SLC9A8: variants seen among roughly 807,000 people sequenced by gnomAD.
SLC9A8 encodes the protein solute carrier family 9 member A8, also known as sodium/hydrogen exchanger 8.
SLC9A8 carries 48 observed loss-of-function variants against 66.6 expected under a neutral mutation model. The ratio of observed to expected loss-of-function variants is 0.72; its 90% CI spans 0.57 to 0.92. The LOEUF (loss-of-function observed/expected upper bound fraction) is 0.92, where lower values mean the gene tolerates loss of function less well. Among genes scored for constraint, SLC9A8 ranks in the 40% least tolerant of loss-of-function variants. SLC9A8 has a pLI of 0.00. For missense variants in SLC9A8, 599 were observed against 747.3 expected (o/e 0.80, Z 2.31); for synonymous variants, 274 against 282.6 (o/e 0.97, Z 0.31).
At chr20:49,864,294 T>C (rs2088873367) in intron 9 of SLC9A8, among the ~76,000 whole-genome samples, 1 of 152,118 alleles carries the variant, frequency 6.6e-6, no homozygotes, top group African/African-American at 2.4e-5. Flanking sequence ...TCAAAACTGA[T>C]GGGGAAAGCA....
rs57704874 is a variant in SLC9A8 at position 49,884,259 on chromosome 20, G to GACACACACACAC, written c.1491+196_1491+207dup. 3.3e-3 allele frequency: 424 copies of GACACACACACAC among 130,198 alleles called. 24 individuals are homozygous for GACACACACACAC. In the African/African-American group the frequency reaches 0.034, roughly 11 times the overall value. 8.1% of individuals were successfully genotyped at this position (130,198 alleles called of 1,614,324 possible). ...ACACACACGACACACACACACACACGACACACACACACACGACACACACAC... is the reference window on the plus strand; with the variant it reads ...ACACACACGACACACACACACACACGACACACACACACACACACACACACACGACACACACAC... On this transcript the variant is annotated intron_variant, in intron 14 of 15. Coordinates refer to ENST00000361573, the MANE Select transcript of SLC9A8 (RefSeq NM_015266.3).
At chr20:49,850,888 CA>C in intron 7 of SLC9A8, 44 bp downstream of exon 7, 1 of 1,450,384 alleles carries the variant, frequency 6.9e-7, no homozygotes, top group South Asian at 1.2e-5. Context: ...GCTTTTCAGA[CA>C]GGGGAAATGT....
At chr20:49,844,608 A>T (rs2087900987) in intron 4 of SLC9A8, among the ~76,000 whole-genome samples, 1 of 127,654 alleles carries the variant, frequency 7.8e-6, no homozygotes, top group Non-Finnish European at 1.6e-5. Context: ...ACATAGCGGG[A>T]CCCTGTATCT....
chr20:49,848,048 C>G (rs2088084390), intron 5 of SLC9A8, among the ~76,000 whole-genome samples: 2 of 151,906 alleles, frequency 1.3e-5, no homozygotes, highest in South Asian at 2.1e-4. Context: ...GCCTCAGCCT[C>G]CCGAGTAGCT....
At chr20:49,870,548 G>A (rs972861772) in intron 10 of SLC9A8, among the ~76,000 whole-genome samples, 11 of 152,130 alleles carry the variant, frequency 7.2e-5, no homozygotes, top group African/African-American at 2.4e-4. Context: ...TGGCCAGGAC[G>A]CTGCCTCACA....
intron 10 of SLC9A8, among the ~76,000 whole-genome samples, chr20:49,871,231 T>C (rs993418541): frequency 3.9e-5 from 6 of 152,234 alleles, no homozygotes; most frequent in African/African-American, 1.4e-4. Flanking sequence ...AAGTATGTTA[T>C]ATTTTACATA....
chr20:49,821,545 G>C (rs1004639151), intron 2 of SLC9A8, among the ~76,000 whole-genome samples: 2 of 152,098 alleles, frequency 1.3e-5, no homozygotes, highest in African/African-American at 4.8e-5. Context: ...TGGGATTAAA[G>C]AAACCTAATT....
At chr20:49,834,179 C>CTATATA (rs1227575026) in intron 3 of SLC9A8, among the ~76,000 whole-genome samples, 6 of 54,688 alleles carry the variant, frequency 1.1e-4, no homozygotes, top group East Asian at 7.2e-4. Flanking sequence ...CTCTCTCTCT[C>CTATATA]TCTCTCTATA....
Position 49,815,156 on chromosome 20 carries a change from G to A in SLC9A8, c.175G>A (p.Gly59Ser), listed in dbSNP as rs752970759. The change falls in exon 2 of 16, where the codon GGC becomes AGC. Residue 59 changes from glycine (G) to serine (S), a missense_variant. Gly to Ser is a moderately conservative substitution (Grantham distance 56). This residue lies in a region of SLC9A8 where 132 missense variants were observed against 120.9 expected (regional missense o/e 1.09). Transcript: ENST00000361573. ...EQAQQEEQSS[G>S]MTIFFSLLVL... Reference sequence around the variant, plus strand: ...GGCCCAGCAAGAGGAGCAGTCCAGCGGCATGACCATTTTCTTCAGCCTCCT... The same window carrying A: ...GGCCCAGCAAGAGGAGCAGTCCAGCAGCATGACCATTTTCTTCAGCCTCCT... The A allele has an allele frequency of 8.2e-6, 13 of 1,581,026 alleles. No individual in the cohort carries two copies. In the Admixed American group the frequency reaches 1.3e-4, roughly 16 times the overall value.
rs150389961 is a variant in SLC9A8, at chr20:49,887,904, G to T, written c.1714G>T (p.Gly572Cys). The change falls in exon 16 of 16, where the codon GGC becomes TGC. Residue 572 changes from glycine (G) to cysteine (C), a missense_variant. Gly to Cys is a radical substitution (Grantham distance 159). Around this residue, in one of 2 missense-constraint regions of SLC9A8, gnomAD observed 467 missense variants for 626.5 expected, o/e 0.75. Coordinates refer to ENST00000361573, the MANE Select transcript of SLC9A8 (RefSeq NM_015266.3). ...WYEEVRQGPS[G>C]SEDDEQELL Reference sequence around the variant, plus strand: ...CGAGGAGGTACGCCAGGGCCCCTCCGGCTCCGAGGACGACGAGCAGGAGCT... The same window carrying T: ...CGAGGAGGTACGCCAGGGCCCCTCCTGCTCCGAGGACGACGAGCAGGAGCT... 7.1e-5 allele frequency: 114 copies of T among 1,613,812 alleles called. No homozygotes were observed. Among genetic ancestry groups the T allele is most frequent in the Non-Finnish European group, 9.5e-5 (112 of 1,179,890 alleles).
rs543580849 is a variant in SLC9A8, at chr20:49,856,215, G to A, written c.713+634G>A. On this transcript the variant is annotated intron_variant, in intron 8 of 15. Coordinates refer to ENST00000361573, the MANE Select transcript of SLC9A8 (RefSeq NM_015266.3). ...CACCCTCAGAGCTTCTGATTCATTT[G>A]GTCTGGGGTGAGTCCCAAGACCATG... 7.6e-4 allele frequency among the ~76,000 whole-genome samples: 115 copies of A among 152,280 alleles called. 1 individual carries two copies. The highest frequency in any genetic ancestry group is 2.6e-3 in the African/African-American group (109 of 41,554).
chr20:49,853,587 AG>A (rs1200111546), intron 7 of SLC9A8, among the ~76,000 whole-genome samples: 3 of 152,256 alleles, frequency 2.0e-5, no homozygotes, highest in Non-Finnish European at 4.4e-5. Context: ...CCAATAAAAT[AG>A]GATCTCCCAG....
intron 5 of SLC9A8, 144 bp downstream of exon 5, chr20:49,845,263 CT>C: frequency 1.6e-6 from 1 of 630,184 alleles, no homozygotes; most frequent in Non-Finnish European, 2.9e-6. Flanking sequence ...GGAAGCTGGA[CT>C]GCAGTGCCTG....
Position 49,880,959 on chromosome 20 carries a change from C to T in SLC9A8, c.1194C>T (p.Phe398=). 6.2e-7 allele frequency: 1 copy of T among 1,613,864 alleles called. No individual in the cohort carries two copies. The highest frequency in any genetic ancestry group is 8.5e-7 in the Non-Finnish European group (1 of 1,179,750). The change falls in exon 13 of 16, where the codon TTC becomes TTT. Residue 398 remains phenylalanine, a synonymous_variant. Coordinates refer to ENST00000361573, the MANE Select transcript of SLC9A8 (RefSeq NM_015266.3). ...TATTTGGCAGAGCGGTAAACATTTTCCCTCTTTCCTACCTCCTGAATTTCT... is the reference window on the plus strand; with the variant it reads ...TATTTGGCAGAGCGGTAAACATTTTTCCTCTTTCCTACCTCCTGAATTTCT... ...LVLFGRAVNI[F]PLSYLLNFFR...
intron 8 of SLC9A8, among the ~76,000 whole-genome samples, chr20:49,859,580 A>G (rs916853063): frequency 1.3e-5 from 2 of 151,678 alleles, no homozygotes; most frequent in African/African-American, 4.8e-5. Context: ...GAAGAGGTAT[A>G]CTTCATAAAC....
At chr20:49,877,350 A>G (rs984345291) in intron 11 of SLC9A8, among the ~76,000 whole-genome samples, 2 of 152,094 alleles carry the variant, frequency 1.3e-5, no homozygotes, top group Admixed American at 1.3e-4. Context: ...TCTGAGGGCC[A>G]TCACAGTTTA....
intron 8 of SLC9A8, among the ~76,000 whole-genome samples, chr20:49,862,539 G>A (rs1600753560): frequency 6.6e-6 from 1 of 152,148 alleles, no homozygotes; most frequent in Non-Finnish European, 1.5e-5. Flanking sequence ...GGGATTACAG[G>A]TGTGAGCCAC....
intron 10 of SLC9A8, among the ~76,000 whole-genome samples, chr20:49,870,809 C>A (rs1055588546): frequency 1.3e-5 from 2 of 152,166 alleles, no homozygotes; most frequent in Non-Finnish European, 2.9e-5. Flanking sequence ...TTTAGGTGAT[C>A]CTTCCACCTC....
intron 3 of SLC9A8, among the ~76,000 whole-genome samples, chr20:49,828,773 AGGTTGCAGT>A (rs2087029922): frequency 6.6e-6 from 1 of 151,758 alleles, no homozygotes; most frequent in African/African-American, 2.4e-5. Context: ...CGGTAGACGG[AGGTTGCAGT>A]GAGCCAAGAT....
Sources: allele counts gnomAD v4.1 joint callset (sites outside exome capture counted in the v4.1 genomes callset), GRCh38; gene constraint gnomAD v4.1.1; regional missense constraint gnomAD v4.1.1; transcripts MANE v1.5; gene names NCBI Gene and HGNC (gene_info 2026-07-23, HGNC 2026-07-21).